EPHA3: variants seen among roughly 807,000 people sequenced by gnomAD.
EPHA3 encodes the protein ephrin type-A receptor 3.
In EPHA3, 42 loss-of-function variants were observed where a neutral mutation model predicts 107.1. That is an observed-to-expected ratio of 0.39 (90% confidence interval 0.31 to 0.51). The LOEUF (loss-of-function observed/expected upper bound fraction) is 0.51. Ranked by LOEUF, EPHA3 falls within the 20% of genes least tolerant of loss-of-function variation. The pLI is 0.78. For missense variants in EPHA3, 1,183 were observed against 1,211.2 expected (o/e 0.98, Z 0.35); for synonymous variants, 461 against 424.8 (o/e 1.09, Z -1.05).
At chr3:89,196,280 A>T (rs1047117158) in intron 2 of EPHA3, among the ~76,000 whole-genome samples, 3 of 152,098 alleles carry the variant, frequency 2.0e-5, no homozygotes, top group Non-Finnish European at 4.4e-5. Context: ...CCCTCCTCTC[A>T]ACATACACAA....
At chr3:89,136,845 ATTCT>A (rs997375530) in intron 2 of EPHA3, among the ~76,000 whole-genome samples, 84 of 152,014 alleles carry the variant, frequency 5.5e-4, no homozygotes, top group African/African-American at 1.5e-3. Flanking sequence ...TGCTATAATC[ATTCT>A]TTATTTTTTT....
chr3:89,251,347 G>A (rs9867299), intron 3 of EPHA3, among the ~76,000 whole-genome samples: 79,555 of 151,848 alleles, frequency 0.52, 21,922 homozygotes, highest in African/African-American at 0.7. Flanking sequence ...TTTTTTAAAA[G>A]AGGAGATTAA....
chr3:89,440,360 C>G (rs1709759688), intron 13 of EPHA3, among the ~76,000 whole-genome samples: 1 of 152,128 alleles, frequency 6.6e-6, no homozygotes, highest in Non-Finnish European at 1.5e-5. Flanking sequence ...TGACAAAGCT[C>G]AAAAACAGGA....
intron 3 of EPHA3, among the ~76,000 whole-genome samples, chr3:89,335,126 G>T (rs1469174939): frequency 1.3e-5 from 2 of 152,056 alleles, no homozygotes; most frequent in African/African-American, 4.8e-5. Flanking sequence ...ATTTCTTTGG[G>T]CTGCTATATC....
chr3:89,118,844 A>C (rs1034627704), intron 1 of EPHA3, among the ~76,000 whole-genome samples: 5 of 152,040 alleles, frequency 3.3e-5, no homozygotes, highest in African/African-American at 1.2e-4. Flanking sequence ...ATGAATCTAA[A>C]ATAAATACTT....
At chr3:89,353,377 T>C (rs1012965853) in intron 5 of EPHA3, among the ~76,000 whole-genome samples, 1 of 151,426 alleles carries the variant, frequency 6.6e-6, no homozygotes, top group Non-Finnish European at 1.5e-5. Flanking sequence ...ATCATATGAC[T>C]TTAGTAATGT....
intron 5 of EPHA3, among the ~76,000 whole-genome samples, chr3:89,384,692 C>T (rs530143835): frequency 8.6e-5 from 13 of 152,046 alleles, no homozygotes; most frequent in African/African-American, 2.7e-4. Flanking sequence ...GTCATAGATG[C>T]GGTTGAATTT....
Position 89,479,675 on chromosome 3 carries a change from T to C in EPHA3, c.*173T>C. 2 of 540,652 alleles carry C rather than the reference T, an allele frequency of 3.7e-6. No homozygotes were observed. The highest frequency in any genetic ancestry group is 6.2e-5 in the South Asian group (2 of 32,252). 33.5% of individuals were successfully genotyped at this position (540,652 alleles called of 1,614,324 possible). On this transcript the variant is annotated 3_prime_UTR_variant, in exon 17 of 17. Transcript: ENST00000336596. ...AATTGAAAAACTCTTTATTTTCCCC[T>C]ATCATTTATTGGATGGGTGGGTGGG...
chr3:89,197,481 A>G (rs913927253), intron 2 of EPHA3, among the ~76,000 whole-genome samples: 6 of 152,062 alleles, frequency 3.9e-5, no homozygotes, highest in African/African-American at 1.2e-4. Flanking sequence ...AATATAGAAT[A>G]TATCTCTTGA....
chr3:89,404,973 C>A (rs559064468), intron 7 of EPHA3, among the ~76,000 whole-genome samples: 1 of 152,208 alleles, frequency 6.6e-6, no homozygotes, highest in South Asian at 2.1e-4. Context: ...TTTCACAAAT[C>A]ATTCACAGAT....
intron 3 of EPHA3, among the ~76,000 whole-genome samples, chr3:89,223,596 G>A (rs1704433775): frequency 2.0e-5 from 3 of 152,110 alleles, no homozygotes; most frequent in Admixed American, 6.5e-5. Context: ...TACCCAGCAG[G>A]GTTGGTGGGA....
At chr3:89,260,392 A>G (rs1576272231) in intron 3 of EPHA3, among the ~76,000 whole-genome samples, 1 of 152,088 alleles carries the variant, frequency 6.6e-6, no homozygotes, top group African/African-American at 2.4e-5. Context: ...GTATGAAGTG[A>G]TATCTCATAG....
At position 89,411,868 on chromosome 3, in the gene EPHA3, A is replaced by G. The variant is rs1211037595; in HGVS notation, c.1763-1273A>G. Reference sequence around the variant, plus strand: ...CAGGGTGTTCAATTGCAACTTTCCCATAATTCTCCCATTATGAAGTAATAT... The same window carrying G: ...CAGGGTGTTCAATTGCAACTTTCCCGTAATTCTCCCATTATGAAGTAATAT... On this transcript the variant is annotated intron_variant, in intron 9 of 16. Coordinates refer to ENST00000336596, the MANE Select transcript of EPHA3 (RefSeq NM_005233.6). 5.9e-5 allele frequency among the ~76,000 whole-genome samples: 9 copies of G among 151,920 alleles called. No homozygotes were observed. In the East Asian group the frequency reaches 1.5e-3, roughly 26 times the overall value.
intron 1 of EPHA3, 47 bp downstream of exon 1, chr3:89,107,883 C>T (rs771757243): frequency 1.6e-5 from 25 of 1,562,902 alleles, no homozygotes; most frequent in Non-Finnish European, 2.1e-5. Context: ...GCGGGGCTCA[C>T]GCTCTTCAAA....
chr3:89,338,525 G>T (rs1707442456), intron 3 of EPHA3, among the ~76,000 whole-genome samples: 1 of 152,214 alleles, frequency 6.6e-6, no homozygotes, highest in East Asian at 1.9e-4. Flanking sequence ...GCCCAAACAA[G>T]AATAGATGTT....
chr3:89,254,663 C>T (rs565276164), intron 3 of EPHA3, among the ~76,000 whole-genome samples: 15 of 152,302 alleles, frequency 9.8e-5, no homozygotes, highest in South Asian at 4.1e-4. Context: ...ATCCTTATAA[C>T]GGTTTAACAT....
At chr3:89,360,432 A>T (rs1284761932) in intron 5 of EPHA3, among the ~76,000 whole-genome samples, 1 of 151,006 alleles carries the variant, frequency 6.6e-6, no homozygotes, top group Non-Finnish European at 1.5e-5. Context: ...GCTTATAAGG[A>T]TCACTAAACC....
intron 2 of EPHA3, among the ~76,000 whole-genome samples, chr3:89,196,581 T>C (rs1330147013): frequency 6.6e-6 from 1 of 151,894 alleles, no homozygotes; most frequent in Non-Finnish European, 1.5e-5. Context: ...CCAAACTCAG[T>C]TGGAATTTTG....
intron 9 of EPHA3, 122 bp from the exon 10 acceptor site, chr3:89,413,019 A>G (rs1709183764): frequency 2.1e-5 from 27 of 1,295,376 alleles, no homozygotes; most frequent in Non-Finnish European, 2.6e-5. Flanking sequence ...TACAGAATAA[A>G]CTGAAGGTTG....
Sources: allele counts gnomAD v4.1 joint callset (sites outside exome capture counted in the v4.1 genomes callset), GRCh38; gene constraint gnomAD v4.1.1; transcripts MANE v1.5; gene names NCBI Gene and HGNC (gene_info 2026-07-23, HGNC 2026-07-21).